ZNF497: variants seen among roughly 807,000 people sequenced by gnomAD.
The protein encoded by ZNF497 is zinc finger protein 497.
For missense variants in ZNF497, 930 were observed against 714.0 expected, an observed-to-expected ratio of 1.30 and a Z score of -3.45; for synonymous variants, 422 against 313.7, an observed-to-expected ratio of 1.35 and a Z score of -3.65.
chr19:58,358,473 G>T lies in ZNF497; in HGVS notation c.-15+16C>A. On this transcript the variant is annotated intron_variant, in intron 2 of 2. Coordinates refer to ENST00000311044, the MANE Select transcript of ZNF497 (RefSeq NM_198458.3). ...GCCAAGGCAGGGCAGGGACAAGTGT[G>T]TAGATGGTGCCATACCTGGAGGTGG... 1 of 1,061,656 alleles carries T rather than the reference G, an allele frequency of 9.4e-7. No individual in the cohort carries two copies. The highest frequency in any genetic ancestry group is 1.2e-6 in the Non-Finnish European group (1 of 843,696). The allele number at this position is 1,061,656 out of a possible 1,614,324, so 65.8% of individuals were successfully genotyped here. A position where few individuals can be genotyped will look rare whatever the true frequency, so the allele number is the denominator to read the frequency against.
intron 1 of ZNF497, chr19:58,358,797 C>A: frequency 2.2e-6 from 1 of 457,940 alleles, no homozygotes. Flanking sequence ...TTTCCCACAG[C>A]CCCCAGGCCC....
intron 1 of ZNF497, among the ~76,000 whole-genome samples, chr19:58,361,671 A>G (rs1272084110): frequency 1.3e-5 from 2 of 152,164 alleles, no homozygotes; most frequent in Admixed American, 6.5e-5. Context: ...GTTTTTCAAG[A>G]TGCCACCTTT....
intron 1 of ZNF497, among the ~76,000 whole-genome samples, chr19:58,361,101 CTT>C (rs914894190): frequency 3.9e-5 from 6 of 152,122 alleles, no homozygotes; most frequent in South Asian, 4.1e-4. Flanking sequence ...GTCCTGAACT[CTT>C]GACCTCAGAT....
Position 58,356,160 on chromosome 19 carries a change from G to C in ZNF497, c.1476C>G (p.His492Gln), listed in dbSNP as rs140266067. 15 of 1,570,340 alleles carry C rather than the reference G, an allele frequency of 9.6e-6. No individual in the cohort carries two copies. The African/African-American group carries it at 1.6e-4, about 17-fold the overall frequency. The change falls in exon 3 of 3, where the codon CAC becomes CAG. Residue 492 changes from histidine (H) to glutamine (Q), a missense_variant. By Grantham distance (24) the His-to-Gln change is conservative. Transcript: ENST00000311044. Reference sequence around the variant, plus strand: ...CGGGTCAGGGCGCAGCGCGGCCCCCGTGCCGCTTCTGGTGCTCGTTGAGGT... The same window carrying C: ...CGGGTCAGGGCGCAGCGCGGCCCCCCTGCCGCTTCTGGTGCTCGTTGAGGT... ...RCNLNEHQKR[H>Q]GGRAAP
Position 58,357,540 on chromosome 19 carries a change from C to T in ZNF497, c.96G>A (p.Gly32=), listed in dbSNP as rs148878757. The T allele has an allele frequency of 1.4e-4, 229 of 1,606,172 alleles. 1 individual carries two copies. In the African/African-American group the frequency reaches 2.7e-3, roughly 19 times the overall value. The change falls in exon 3 of 3, where the codon GGG becomes GGA. Residue 32 remains glycine (G), a synonymous_variant. Transcript: ENST00000311044. ...AGGCCCCCCAGCCTCCAGACACAGC[C>T]CCCTCAGAGAGGCCCCTCGTGGCAG... ...VKTATRGLSE[G]AVSGGWGAWE...
intron 1 of ZNF497, among the ~76,000 whole-genome samples, chr19:58,362,195 G>C (rs1002414843): frequency 6.6e-6 from 1 of 152,228 alleles, no homozygotes; most frequent in South Asian, 2.1e-4. Context: ...CCAAGGCCTA[G>C]GCTGGACAAA....
At position 58,356,662 on chromosome 19, in the gene ZNF497, G is replaced by C. The variant is rs1356068506; in HGVS notation, c.974C>G (p.Thr325Ser). The change falls in exon 3 of 3, where the codon ACT becomes AGT. Residue 325 changes from threonine to serine, a missense_variant. Transcript: ENST00000311044. ...GGCGCACTCGAAGGGCCGCTCACCAGTGTGCGTGCGCTGGTGCTGCAGGAG... is the reference window on the plus strand; with the variant it reads ...GGCGCACTCGAAGGGCCGCTCACCACTGTGCGTGCGCTGGTGCTGCAGGAG... The part of the protein sequence containing the change: ...SQLLQHQRTH[T>S]GERPFECAEC... The C allele has an allele frequency of 3.9e-6, 6 of 1,550,344 alleles. No homozygotes were observed. The South Asian group carries it at 7.0e-5, about 18-fold the overall frequency.
chr19:58,356,135 C>T lies in ZNF497; in HGVS notation c.*4G>A. ...CGCGACCTCCCGCTCAGGGCGTCCT[C>T]GGGTCAGGGCGCAGCGCGGCCCCCG... On this transcript the variant is annotated 3_prime_UTR_variant, in exon 3 of 3. Coordinates refer to ENST00000311044, the MANE Select transcript of ZNF497 (RefSeq NM_198458.3). 2 of 1,533,082 alleles carry T rather than the reference C, an allele frequency of 1.3e-6. No individual in the cohort carries two copies. The highest frequency in any genetic ancestry group is 4.6e-5 in the East Asian group (2 of 43,734). The allele number at this position is 1,533,082 out of a possible 1,614,324, so 95.0% of individuals were successfully genotyped here. A position where few individuals can be genotyped will look rare whatever the true frequency, so the allele number is the denominator to read the frequency against.
chr19:58,356,691 C>T lies in ZNF497; in HGVS notation c.945G>A (p.Ser315=), dbSNP rs1382848299. The T allele has an allele frequency of 3.2e-6, 5 of 1,551,998 alleles. No homozygotes were observed. The African/African-American group carries it at 4.2e-5, about 13-fold the overall frequency. ...GCGTGCGCTGGTGCTGCAGGAGCTG[C>T]GAGCTCTCGCGGAAAGCCTTTCCGC... ...AECGKAFRES[S]QLLQHQRTHT... is the part of the protein sequence containing the mutation. Residue 315 remains serine (S), a synonymous_variant, in exon 3 of 3, where the codon TCG becomes TCA. Coordinates refer to ENST00000311044, the MANE Select transcript of ZNF497 (RefSeq NM_198458.3).
Position 58,356,285 on chromosome 19 carries a change from A to T in ZNF497, c.1351T>A (p.Phe451Ile). 2.5e-6 allele frequency: 4 copies of T among 1,596,668 alleles called. No individual in the cohort carries two copies. Among genetic ancestry groups the T allele is most frequent in the Non-Finnish European group, 3.4e-6 (4 of 1,172,774 alleles). ...PFVCAHCSKA[F>I]VRKSELLSHR... ...CTTAAGAGCTCCGACTTGCGCACGA[A>T]GGCCTTGCTGCAGTGGGCGCAGACG... Residue 451 changes from phenylalanine to isoleucine, a missense_variant, in exon 3 of 3, where the codon TTC becomes ATC. Phe to Ile is a conservative substitution (Grantham distance 21). Transcript: ENST00000311044.
At chr19:58,362,486 C>T (rs2052104781) in intron 1 of ZNF497, 191 bp downstream of exon 1, 1 of 152,216 alleles carries the variant, frequency 6.6e-6, no homozygotes, top group Non-Finnish European at 1.5e-5. Flanking sequence ...CCATTTCCGT[C>T]CCGACCACGG....
intron 1 of ZNF497, among the ~76,000 whole-genome samples, chr19:58,359,837 G>A (rs893451688): frequency 6.6e-6 from 1 of 152,204 alleles, no homozygotes; most frequent in Non-Finnish European, 1.5e-5. Flanking sequence ...GCCAGGCGTG[G>A]TGGCAGGCGC....
rs2052041892 is a variant in ZNF497, at chr19:58,357,507, G to C, written c.129C>G (p.Asn43Lys). The stretch of plus-strand genomic sequence containing the variant: ...CTGCCTCCCTCGGAACCTCCGTGGA[G>C]TTTTCCCAGGCCCCCCAGCCTCCAG... ...AVSGGWGAWE[N>K]STEVPREAGD... The change falls in exon 3 of 3, where the codon AAC (asparagine) becomes AAG (lysine). Residue 43 changes from asparagine to lysine, a missense_variant. Transcript: ENST00000311044. The C allele has an allele frequency of 4.4e-6, 7 of 1,603,302 alleles. No homozygotes were observed. The highest frequency in any genetic ancestry group is 6.0e-6 in the Non-Finnish European group (7 of 1,175,500).
Position 58,357,039 on chromosome 19 carries a change from G to C in ZNF497, c.597C>G (p.Phe199Leu). 2 of 1,610,558 alleles carry C rather than the reference G, an allele frequency of 1.2e-6. No individual in the cohort carries two copies. Among genetic ancestry groups the C allele is most frequent in the Non-Finnish European group, 1.7e-6 (2 of 1,179,014 alleles). The stretch of plus-strand genomic sequence containing the variant: ...GCTGCACCAGCGTGGTGCTTCGGCC[G>C]AAGGACTTGCCGCAGTCCGGGCAGC... ...PFRCPDCGKS[F>L]GRSTTLVQHR... The change falls in exon 3 of 3, where the codon TTC becomes TTG. Residue 199 changes from phenylalanine to leucine, a missense_variant. Coordinates refer to ENST00000311044, the MANE Select transcript of ZNF497 (RefSeq NM_198458.3).
In ZNF497 at chr19:58,356,881, C is replaced by A. The variant is rs756234438; in HGVS notation, c.755G>T (p.Gly252Val). The change falls in exon 3 of 3, where the codon GGC becomes GTC. Residue 252 changes from glycine (G) to valine (V), a missense_variant. Coordinates refer to ENST00000311044, the MANE Select transcript of ZNF497 (RefSeq NM_198458.3). ...GTTGGAGCTCTGGCTGAAGGCCTTG[C>A]CACAGTCCCGGCAGGCGTGCGGCCG... ...GARPHACRDC[G>V]KAFSQSSNLA... The A allele has an allele frequency of 1.3e-6, 2 of 1,593,984 alleles. No individual in the cohort carries two copies. Among genetic ancestry groups the A allele is most frequent in the South Asian group, 1.1e-5 (1 of 90,002 alleles).
At position 58,357,252 on chromosome 19, in the gene ZNF497, G is replaced by A; in HGVS notation, c.384C>T (p.His128=). 1 of 1,613,038 alleles carries A rather than the reference G, an allele frequency of 6.2e-7. No homozygotes were observed. The highest frequency in any genetic ancestry group is 8.5e-7 in the Non-Finnish European group (1 of 1,179,782). ...GSYLLQHRRV[H]TGEKPYTCPE... Reference sequence around the variant, plus strand: ...GGCACGTGTACGGCTTCTCGCCTGTGTGCACGCGCCGATGCTGCAGCAAGT... The same window carrying A: ...GGCACGTGTACGGCTTCTCGCCTGTATGCACGCGCCGATGCTGCAGCAAGT... The change falls in exon 3 of 3, where the codon CAC becomes CAT. Residue 128 remains histidine, a synonymous_variant. Transcript: ENST00000311044.
At chr19:58,361,128 G>A (rs755495423) in intron 1 of ZNF497, among the ~76,000 whole-genome samples, 113 of 151,980 alleles carry the variant, frequency 7.4e-4, no homozygotes, top group Non-Finnish European at 1.3e-3. Flanking sequence ...CACCCGCCTC[G>A]GCCTCCCAAA....
chr19:58,360,851 G>A (rs1475571423), intron 1 of ZNF497, among the ~76,000 whole-genome samples: 2 of 126,946 alleles, frequency 1.6e-5, no homozygotes, highest in African/African-American at 3.1e-5. Context: ...GCGCTATCCT[G>A]GCTCACTGCA....
Position 58,356,710 on chromosome 19 carries a change from T to C in ZNF497, c.926A>G (p.Lys309Arg), listed in dbSNP as rs1198211617. The C allele has an allele frequency of 1.3e-6, 2 of 1,568,166 alleles. No individual in the cohort carries two copies. Among genetic ancestry groups the C allele is most frequent in the Admixed American group, 1.8e-5 (1 of 54,598 alleles). ...GAGCTGCGAGCTCTCGCGGAAAGCC[T>C]TTCCGCACTCGGCGCAGGGGAAGGG... The part of the protein sequence containing the change: ...EKPFPCAECG[K>R]AFRESSQLLQ... Residue 309 changes from lysine to arginine, a missense_variant, in exon 3 of 3, where the codon AAG (lysine) becomes AGG (arginine). Lys to Arg is a conservative substitution (Grantham distance 26). Transcript: ENST00000311044.
Sources: gnomAD v4.1 joint callset for allele counts (sites outside exome capture counted in the v4.1 genomes callset) on GRCh38, gnomAD v4.1.1 for gene constraint, MANE v1.5 for transcripts, NCBI Gene and HGNC (gene_info 2026-07-23, HGNC 2026-07-21) for gene names.